The following STX8 variants were observed in gnomAD, a reference collection of about 807,000 sequenced individuals.
STX8 encodes the protein syntaxin 8.
STX8 carries 23 observed loss-of-function variants against 37.5 expected under a neutral mutation model. The observed-to-expected ratio is 0.61, with a 90% CI of 0.44 to 0.87. The LOEUF is 0.87. Among genes scored for constraint, STX8 ranks in the 40% least tolerant of loss-of-function variants. The probability of loss-of-function intolerance (pLI) is 0.00; values close to 1 mark genes in which losing one functional copy is unlikely to be tolerated. For synonymous variants in STX8, 115 were observed against 99.1 expected (o/e 1.16, Z -0.95); for missense variants, 313 against 284.7 (o/e 1.10, Z -0.71).
chr17:9,257,660 G>A (rs1167082246), intron 7 of STX8, among the ~76,000 whole-genome samples: 1 of 152,180 alleles, frequency 6.6e-6, no homozygotes, highest in African/African-American at 2.4e-5. Context: ...AGCCGCCTTA[G>A]CTGCCTACTA....
intron 7 of STX8, among the ~76,000 whole-genome samples, chr17:9,254,763 A>G (rs902125214): frequency 1.3e-5 from 2 of 152,104 alleles, no homozygotes; most frequent in African/African-American, 4.8e-5. Flanking sequence ...TACACCAGGG[A>G]CTGTGGGTTC....
chr17:9,278,468 G>A (rs1907761941), intron 7 of STX8, among the ~76,000 whole-genome samples: 1 of 151,452 alleles, frequency 6.6e-6, no homozygotes, highest in Admixed American at 6.6e-5. Flanking sequence ...AAAAAAAATA[G>A]AAACATACTT....
intron 7 of STX8, among the ~76,000 whole-genome samples, chr17:9,258,405 G>A (rs1906882605): frequency 6.6e-6 from 1 of 152,276 alleles, no homozygotes; most frequent in South Asian, 2.1e-4. Context: ...TCCAGATTGA[G>A]AGGCTGGAGA....
chr17:9,357,781 A>T (rs1168595059), intron 7 of STX8, among the ~76,000 whole-genome samples: 1 of 152,198 alleles, frequency 6.6e-6, no homozygotes, highest in Non-Finnish European at 1.5e-5. Context: ...GAAGGGCGCA[A>T]TGCCTCATCT....
intron 6 of STX8, among the ~76,000 whole-genome samples, chr17:9,485,255 G>C (rs1034679040): frequency 1.3e-5 from 2 of 152,216 alleles, no homozygotes; most frequent in African/African-American, 4.8e-5. Flanking sequence ...GGATGACAGT[G>C]GCCCAGAGGT....
At chr17:9,276,130 C>T (rs1422227991) in intron 7 of STX8, among the ~76,000 whole-genome samples, 2 of 152,046 alleles carry the variant, frequency 1.3e-5, no homozygotes, top group Non-Finnish European at 2.9e-5. Context: ...GCCATAGGGC[C>T]CTGGGCATGC....
At chr17:9,529,371 ATG>A (rs1482749616) in intron 4 of STX8, among the ~76,000 whole-genome samples, 2 of 152,200 alleles carry the variant, frequency 1.3e-5, no homozygotes, top group Non-Finnish European at 2.9e-5. Flanking sequence ...ATCTACTCAC[ATG>A]TGTAATACAT....
At chr17:9,480,789 C>T (rs8081313) in intron 6 of STX8, among the ~76,000 whole-genome samples, 3,394 of 152,286 alleles carry the variant, frequency 0.022, 117 homozygotes, top group African/African-American at 0.075. Context: ...AACACAGCCA[C>T]GTAGAGAAAA....
intron 7 of STX8, among the ~76,000 whole-genome samples, chr17:9,370,603 C>T (rs1376621230): frequency 2.6e-5 from 4 of 152,166 alleles, no homozygotes; most frequent in Non-Finnish European, 2.9e-5. Context: ...GATTTCTAAC[C>T]ACATCACTGA....
chr17:9,372,448 A>C (rs1911437817), intron 7 of STX8, among the ~76,000 whole-genome samples: 1 of 152,018 alleles, frequency 6.6e-6, no homozygotes, highest in South Asian at 2.1e-4. Context: ...GTCTGGCTTT[A>C]TCAGATTAAA....
intron 6 of STX8, among the ~76,000 whole-genome samples, chr17:9,417,527 A>C (rs1265093696): frequency 6.6e-6 from 1 of 152,096 alleles, no homozygotes; most frequent in East Asian, 1.9e-4. Context: ...TTTCCTTACT[A>C]ATAGGAGTGT....
intron 7 of STX8, among the ~76,000 whole-genome samples, chr17:9,259,884 A>G (rs1906943998): frequency 6.6e-6 from 1 of 152,128 alleles, no homozygotes; most frequent in African/African-American, 2.4e-5. Flanking sequence ...GCGTCTGGCC[A>G]TGCTGCATAA....
chr17:9,541,895 AC>A (rs1344222186), intron 4 of STX8, among the ~76,000 whole-genome samples: 51 of 152,056 alleles, frequency 3.4e-4, no homozygotes, highest in Non-Finnish European at 1.5e-5. Context: ...AGTCGTTCTA[AC>A]CCTGCCACCT....
At chr17:9,280,421 C>T (rs138159405) in intron 7 of STX8, among the ~76,000 whole-genome samples, 6 of 152,026 alleles carry the variant, frequency 3.9e-5, no homozygotes, top group South Asian at 4.2e-4. Flanking sequence ...GGTGTGGTGG[C>T]GGGCGCCTGT....
intron 6 of STX8, among the ~76,000 whole-genome samples, chr17:9,381,480 A>G (rs1911816317): frequency 6.6e-6 from 1 of 152,196 alleles, no homozygotes; most frequent in South Asian, 2.1e-4. Context: ...GGCACAAAGG[A>G]GTTGGGTGCT....
At chr17:9,552,951 T>C (rs948994180) in intron 3 of STX8, 1 of 152,160 alleles carries the variant, frequency 6.6e-6, no homozygotes, top group African/African-American at 2.4e-5. Context: ...TATAGATTTT[T>C]AAAACTTATT....
chr17:9,338,831 G>T (rs372391467), intron 7 of STX8, among the ~76,000 whole-genome samples: 2 of 152,230 alleles, frequency 1.3e-5, no homozygotes, highest in East Asian at 3.9e-4. Context: ...CAGCACTTTG[G>T]GAGGCTGAGG....
chr17:9,335,075 T>C (rs1910093125), intron 7 of STX8, among the ~76,000 whole-genome samples: 1 of 152,184 alleles, frequency 6.6e-6, no homozygotes, highest in Non-Finnish European at 1.5e-5. Context: ...TGTTCCTAAC[T>C]GTTCTTCCCA....
chr17:9,382,499 G>T lies in STX8; in HGVS notation c.542-3846C>A, dbSNP rs531367657. On this transcript the variant is annotated intron_variant, in intron 6 of 7. Transcript: ENST00000306357. ...CACAACGTGCAGGTTTGTTACATAG[G>T]TATACATGTGCCATGTTGGTTTGCT... Among the ~76,000 whole-genome samples, 10 of 152,200 alleles carry T rather than the reference G, an allele frequency of 6.6e-5. No individual in the cohort carries two copies. The South Asian group carries it at 1.7e-3, about 25-fold the overall frequency.
Sources: allele counts gnomAD v4.1 joint callset (sites outside exome capture counted in the v4.1 genomes callset), GRCh38; gene constraint gnomAD v4.1.1; transcripts MANE v1.5; gene names NCBI Gene and HGNC (gene_info 2026-07-23, HGNC 2026-07-21).